SEMA3A: variants seen among roughly 807,000 people sequenced by gnomAD.
SEMA3A encodes semaphorin-3A.
In SEMA3A, 29 loss-of-function variants were observed where a neutral mutation model predicts 97.9. The observed-to-expected ratio is 0.30, with a 90% CI of 0.22 to 0.40. The LOEUF is 0.40. Ranked by LOEUF, SEMA3A falls within the 10% of genes least tolerant of loss-of-function variation. The pLI is 1.00. For synonymous variants in SEMA3A, 321 were observed against 323.7 expected (o/e 0.99, Z 0.09); for missense variants, 763 against 951.3 (o/e 0.80, Z 2.60).
chr7:84,226,502 A>G (rs1049923994), intron 3 of SEMA3A, among the ~76,000 whole-genome samples: 3 of 152,102 alleles, frequency 2.0e-5, no homozygotes, highest in African/African-American at 7.2e-5. Flanking sequence ...AATCATATCT[A>G]TAACTTTTTC....
At chr7:84,277,560 A>G (rs1800335858) in intron 3 of SEMA3A, among the ~76,000 whole-genome samples, 1 of 152,174 alleles carries the variant, frequency 6.6e-6, no homozygotes, top group Non-Finnish European at 1.5e-5. Context: ...GAAATACTCA[A>G]AGAATGATGT....
At chr7:84,047,058 A>T in intron 5 of SEMA3A, among the ~76,000 whole-genome samples, 1 of 151,990 alleles carries the variant, frequency 6.6e-6, no homozygotes, top group East Asian at 1.9e-4. Flanking sequence ...GTTATAAGCT[A>T]TCAACCAGTC....
chr7:84,433,196 A>C (rs1324952417), intron 1 of SEMA3A, among the ~76,000 whole-genome samples: 2 of 151,890 alleles, frequency 1.3e-5, no homozygotes, highest in Non-Finnish European at 2.9e-5. Context: ...CATTTACATT[A>C]GGTATTCCAC....
intron 4 of SEMA3A, among the ~76,000 whole-genome samples, chr7:84,098,338 G>T (rs1362494424): frequency 1.3e-5 from 2 of 151,670 alleles, no homozygotes; most frequent in East Asian, 3.9e-4. Flanking sequence ...TTTTCCTTTT[G>T]GTAAAAAATA....
intron 3 of SEMA3A, among the ~76,000 whole-genome samples, chr7:84,231,905 A>G (rs1478338554): frequency 6.6e-6 from 1 of 151,930 alleles, no homozygotes; most frequent in Admixed American, 6.6e-5. Context: ...CAGAGAGGAT[A>G]CATGGAATGC....
chr7:84,371,188 T>C (rs1802965858), intron 2 of SEMA3A, among the ~76,000 whole-genome samples: 1 of 151,846 alleles, frequency 6.6e-6, no homozygotes, highest in Non-Finnish European at 1.5e-5. Flanking sequence ...TATTATCTTG[T>C]TCCTTCAGAA....
At chr7:84,051,831 G>A (rs1222879059) in intron 5 of SEMA3A, among the ~76,000 whole-genome samples, 5 of 151,560 alleles carry the variant, frequency 3.3e-5, no homozygotes, top group Non-Finnish European at 7.4e-5. Context: ...CATTCAGTAT[G>A]ATATTGGCTG....
chr7:84,358,766 T>C (rs1205221577), intron 2 of SEMA3A, among the ~76,000 whole-genome samples: 1 of 152,174 alleles, frequency 6.6e-6, no homozygotes, highest in East Asian at 1.9e-4. Context: ...TTCCTATCCA[T>C]GAGCATGGAA....
At chr7:84,198,964 T>A (rs1305302077), upstream of SEMA3A, among the ~76,000 whole-genome samples, 7 of 152,208 alleles carry the variant, frequency 4.6e-5, no homozygotes, top group African/African-American at 1.7e-4. Context: ...ACATTGGCTA[T>A]GTATTTTTTA....
intron 6 of SEMA3A, among the ~76,000 whole-genome samples, chr7:84,040,223 C>CTT (rs59145273): frequency 0.049 from 6,719 of 138,106 alleles, 556 homozygotes; most frequent in African/African-American, 0.17. Context: ...TAACAAGTGG[C>CTT]TTTTTTTTTT....
At chr7:84,000,698 G>A (rs192929439) in intron 12 of SEMA3A, among the ~76,000 whole-genome samples, 13 of 152,180 alleles carry the variant, frequency 8.5e-5, no homozygotes, top group Non-Finnish European at 5.9e-5. Context: ...CTTTCCAGTA[G>A]AACACTGTGT....
At chr7:84,286,842 T>C (rs1253486140) in intron 3 of SEMA3A, among the ~76,000 whole-genome samples, 1 of 152,146 alleles carries the variant, frequency 6.6e-6, no homozygotes, top group Non-Finnish European at 1.5e-5. Context: ...TATATTTGCA[T>C]CATTTAAAAA....
intron 3 of SEMA3A, among the ~76,000 whole-genome samples, chr7:84,273,504 G>A (rs1800206356): frequency 6.6e-6 from 1 of 152,098 alleles, no homozygotes. Context: ...GACAGTAATA[G>A]AGCACACACG....
Position 84,467,232 on chromosome 7 carries a change from C to A in SEMA3A, c.-246+25228G>T, listed in dbSNP as rs140847297. ...CTTCATAAATGATTAAAGTAGAAAT[C>A]AATTCCAGGGCCGGGCGCAGTGCCT... is the stretch of plus-strand genomic sequence containing the variant. On this transcript the variant is annotated intron_variant, in intron 1 of 3. Transcript: ENST00000424555. 3.6e-4 allele frequency among the ~76,000 whole-genome samples: 55 copies of A among 151,994 alleles called. 1 individual carries two copies. The highest frequency in any genetic ancestry group is 6.2e-4 in the South Asian group (3 of 4,818).
intron 1 of SEMA3A, among the ~76,000 whole-genome samples, chr7:84,440,357 AG>A (rs1805241779): frequency 1.3e-5 from 2 of 152,170 alleles, no homozygotes; most frequent in Non-Finnish European, 1.5e-5. Flanking sequence ...TTCCTGGTGC[AG>A]CTTGAACACA....
intron 4 of SEMA3A, among the ~76,000 whole-genome samples, chr7:84,098,751 T>C (rs747962809): frequency 2.0e-5 from 3 of 152,036 alleles, no homozygotes; most frequent in Non-Finnish European, 4.4e-5. Context: ...ATAATCTCAA[T>C]GGGGTATAAT....
At chr7:84,302,883 A>T (rs1801054281) in intron 3 of SEMA3A, among the ~76,000 whole-genome samples, 1 of 152,126 alleles carries the variant, frequency 6.6e-6, no homozygotes, top group Non-Finnish European at 1.5e-5. Flanking sequence ...TAATGTAAAC[A>T]CTGAGATGAT....
At chr7:83,985,299 A>C in intron 13 of SEMA3A, 137 bp downstream of exon 13, 1 of 617,932 alleles carries the variant, frequency 1.6e-6, no homozygotes, top group Non-Finnish European at 2.8e-6. Context: ...AGCTTATTGT[A>C]AGAATGATAT....
intron 1 of SEMA3A, among the ~76,000 whole-genome samples, chr7:84,398,708 T>C (rs1384482199): frequency 6.6e-6 from 1 of 151,994 alleles, no homozygotes; most frequent in Non-Finnish European, 1.5e-5. Context: ...CTCAGGAGGC[T>C]GAGGAAGGAG....
Sources: allele counts gnomAD v4.1 joint callset (sites outside exome capture counted in the v4.1 genomes callset), GRCh38; gene constraint gnomAD v4.1.1; transcripts MANE v1.5; gene names NCBI Gene and HGNC (gene_info 2026-07-23, HGNC 2026-07-21).